The following PLCL2 variants were observed in gnomAD, a reference collection of about 807,000 sequenced individuals.
PLCL2 encodes the protein inactive phospholipase C-like protein 2.
Under a neutral mutation model 79.6 loss-of-function variants are expected in PLCL2, and 4 were observed. The observed-to-expected ratio is 0.05, with a 90% CI of 0.02 to 0.11. PLCL2 has a LOEUF of 0.11. Among genes scored for constraint, PLCL2 ranks in the 10% least tolerant of loss-of-function variants. The pLI, the probability that PLCL2 is intolerant of heterozygous loss-of-function variation, is 1.00. For synonymous variants in PLCL2, 484 were observed against 457.7 expected (o/e 1.06, Z -0.73); for missense variants, 895 against 1,291.0 (o/e 0.69, Z 4.70).
intron 3 of PLCL2, among the ~76,000 whole-genome samples, chr3:17,037,753 G>T (rs1265753203): frequency 1.3e-5 from 2 of 152,158 alleles, no homozygotes; most frequent in African/African-American, 4.8e-5. Flanking sequence ...AGCAAAATCT[G>T]TGTTCTTAAG....
intron 1 of PLCL2, among the ~76,000 whole-genome samples, chr3:16,983,439 C>T (rs1469223502): frequency 6.6e-6 from 1 of 152,054 alleles, no homozygotes; most frequent in African/African-American, 2.4e-5. Flanking sequence ...GAGGCCGAGG[C>T]GGGCGGATCA....
chr3:17,014,073 T>C (rs2064356981), intron 2 of PLCL2, among the ~76,000 whole-genome samples: 1 of 152,156 alleles, frequency 6.6e-6, no homozygotes. Context: ...CTTTAATGGG[T>C]ATTTAAATGG....
chr3:16,983,022 T>G (rs2064015913), intron 1 of PLCL2, among the ~76,000 whole-genome samples: 2 of 152,226 alleles, frequency 1.3e-5, no homozygotes, highest in Admixed American at 6.5e-5. Flanking sequence ...TAGTATATTT[T>G]TGTCTTTAAG....
chr3:16,965,580 G>T (rs953964967), intron 1 of PLCL2, among the ~76,000 whole-genome samples: 9 of 151,882 alleles, frequency 5.9e-5, no homozygotes, highest in African/African-American at 1.9e-4. Context: ...AGCTTGATGG[G>T]GATGGCATTG....
intron 1 of PLCL2, among the ~76,000 whole-genome samples, chr3:17,001,465 T>G (rs2125002516): frequency 6.6e-6 from 1 of 152,304 alleles, no homozygotes; most frequent in African/African-American, 2.4e-5. Flanking sequence ...AGTGTTTTCT[T>G]CTAGTAGTTT....
chr3:16,953,757 C>G (rs1334632322), intron 1 of PLCL2, among the ~76,000 whole-genome samples: 2 of 151,908 alleles, frequency 1.3e-5, no homozygotes, highest in African/African-American at 4.8e-5. Context: ...CTTTAAAAAC[C>G]TCCATAGTTT....
At chr3:16,942,175 A>G (rs1017737475) in intron 1 of PLCL2, among the ~76,000 whole-genome samples, 1 of 152,210 alleles carries the variant, frequency 6.6e-6, no homozygotes, top group Non-Finnish European at 1.5e-5. Context: ...CTCCTTGTCC[A>G]GTGGACCAAT....
intron 3 of PLCL2, among the ~76,000 whole-genome samples, chr3:17,031,339 T>C (rs2064579313): frequency 1.3e-5 from 2 of 152,324 alleles, no homozygotes; most frequent in South Asian, 4.1e-4. Context: ...ACATCCTCAC[T>C]GGACTGCACC....
At chr3:16,949,776 T>C (rs2063634351) in intron 1 of PLCL2, among the ~76,000 whole-genome samples, 1 of 152,244 alleles carries the variant, frequency 6.6e-6, no homozygotes, top group South Asian at 2.1e-4. Context: ...TATGTTATTT[T>C]AGGCTTAGGT....
intron 1 of PLCL2, among the ~76,000 whole-genome samples, chr3:16,888,244 A>T (rs1696269929): frequency 6.6e-6 from 1 of 152,252 alleles, no homozygotes. Flanking sequence ...CATTTAAAAT[A>T]ATTTATTTGG....
intron 4 of PLCL2, among the ~76,000 whole-genome samples, chr3:17,043,202 G>T (rs554452019): frequency 2.0e-5 from 3 of 152,138 alleles, no homozygotes; most frequent in Non-Finnish European, 4.4e-5. Context: ...AAATTCCCAG[G>T]TGTTTCTAAT....
chr3:16,972,192 G>A (rs1398104845), intron 1 of PLCL2, among the ~76,000 whole-genome samples: 4 of 152,096 alleles, frequency 2.6e-5, no homozygotes, highest in African/African-American at 9.7e-5. Context: ...CAATTAGGCA[G>A]GAGAAGGAAA....
At chr3:16,926,744 G>C (rs1207532525) in intron 1 of PLCL2, among the ~76,000 whole-genome samples, 1 of 151,612 alleles carries the variant, frequency 6.6e-6, no homozygotes, top group Non-Finnish European at 1.5e-5. Flanking sequence ...CCATTCTCCT[G>C]CTTCAGCCTC....
chr3:17,032,238 C>T (rs1004997951), intron 3 of PLCL2, among the ~76,000 whole-genome samples: 1 of 152,046 alleles, frequency 6.6e-6, no homozygotes, highest in Non-Finnish European at 1.5e-5. Flanking sequence ...TGCCTCTGGT[C>T]TATTTAAATG....
chr3:17,079,401 A>G (rs1474946726), intron 5 of PLCL2, among the ~76,000 whole-genome samples: 1 of 152,208 alleles, frequency 6.6e-6, no homozygotes, highest in East Asian at 1.9e-4. Flanking sequence ...AGACGAGGCC[A>G]CTGTCCTACT....
At chr3:17,077,148 C>G (rs1013110055) in intron 5 of PLCL2, among the ~76,000 whole-genome samples, 1 of 152,224 alleles carries the variant, frequency 6.6e-6, no homozygotes, top group African/African-American at 2.4e-5. Context: ...CTGGAAACTG[C>G]AAGCAGTAAG....
chr3:16,909,478 T>C (rs1303737591), intron 1 of PLCL2, among the ~76,000 whole-genome samples: 1 of 152,234 alleles, frequency 6.6e-6, no homozygotes, highest in East Asian at 1.9e-4. Flanking sequence ...GTTTTAGATA[T>C]CGCTATTTTT....
intron 1 of PLCL2, among the ~76,000 whole-genome samples, chr3:16,983,586 C>T (rs950060042): frequency 1.3e-5 from 2 of 152,170 alleles, no homozygotes; most frequent in Non-Finnish European, 2.9e-5. Context: ...AGGAGAATCA[C>T]TTGAACCCGG....
intron 1 of PLCL2, among the ~76,000 whole-genome samples, chr3:16,920,325 A>T (rs1697095407): frequency 6.6e-6 from 1 of 152,086 alleles, no homozygotes; most frequent in Non-Finnish European, 1.5e-5. Flanking sequence ...TATATTTATT[A>T]GATATGATCT....
Sources: gnomAD v4.1 joint callset for allele counts (sites outside exome capture counted in the v4.1 genomes callset) on GRCh38, gnomAD v4.1.1 for gene constraint, MANE v1.5 for transcripts, NCBI Gene and HGNC (gene_info 2026-07-23, HGNC 2026-07-21) for gene names.